The following CFAP95 variants were observed in gnomAD, a reference collection of about 807,000 sequenced individuals.
CFAP95 encodes the protein cilia and flagella associated protein 95.
chr9:69,849,358 G>T, the CFAP95 span, among the ~76,000 whole-genome samples: 1 of 152,018 alleles, frequency 6.6e-6, no homozygotes, highest in Non-Finnish European at 1.5e-5. Flanking sequence ...AAGAAGGAAG[G>T]GAGGGAGGAA....
chr9:69,895,423 A>G, the CFAP95 span, among the ~76,000 whole-genome samples: 1 of 142,160 alleles, frequency 7.0e-6, no homozygotes, highest in Non-Finnish European at 1.5e-5. Context: ...TTCTCTGGAG[A>G]TCTTTGACTG....
chr9:69,844,149 G>C, the CFAP95 span, among the ~76,000 whole-genome samples: 1 of 152,136 alleles, frequency 6.6e-6, no homozygotes, highest in Non-Finnish European at 1.5e-5. Context: ...ATGGTAGAAA[G>C]AATTTCTAAA....
At chr9:69,891,045 C>T in the CFAP95 span, among the ~76,000 whole-genome samples, 1 of 152,128 alleles carries the variant, frequency 6.6e-6, no homozygotes, top group Admixed American at 6.6e-5. Context: ...TCCATCATTT[C>T]CCAAAGAACC....
chr9:69,856,644 G>A, the CFAP95 span: 86 of 1,611,456 alleles, frequency 5.3e-5, no homozygotes, highest in Non-Finnish European at 5.8e-5. Flanking sequence ...TATTGAATGA[G>A]GAAACAGTGA....
At chr9:69,845,894 G>A in the CFAP95 span, among the ~76,000 whole-genome samples, 1 of 152,016 alleles carries the variant, frequency 6.6e-6, no homozygotes, top group East Asian at 1.9e-4. Flanking sequence ...TCTTCCCTTT[G>A]CACCAGGCTG....
the CFAP95 span, among the ~76,000 whole-genome samples, chr9:69,889,655 T>C: frequency 1.3e-5 from 2 of 152,118 alleles, no homozygotes; most frequent in Non-Finnish European, 2.9e-5. Flanking sequence ...TCTGCTTGGC[T>C]GGTCCTGTGA....
chr9:69,821,310 G>A, the CFAP95 span, among the ~76,000 whole-genome samples: 1 of 152,156 alleles, frequency 6.6e-6, no homozygotes, highest in African/African-American at 2.4e-5. Context: ...AATAGAGAGA[G>A]TGGGAGAGAG....
At chr9:69,890,046 G>GTGA in the CFAP95 span, among the ~76,000 whole-genome samples, 1 of 152,074 alleles carries the variant, frequency 6.6e-6, no homozygotes, top group African/African-American at 2.4e-5. Context: ...TGTAACAAGT[G>GTGA]TGATGGTTTA....
the CFAP95 span, among the ~76,000 whole-genome samples, chr9:69,883,014 T>G: frequency 6.6e-6 from 1 of 152,144 alleles, no homozygotes; most frequent in African/African-American, 2.4e-5. Context: ...AATAGTTGAG[T>G]AGGATTGGTA....
chr9:69,890,849 G>A, the CFAP95 span, among the ~76,000 whole-genome samples: 1 of 152,196 alleles, frequency 6.6e-6, no homozygotes, highest in Non-Finnish European at 1.5e-5. Context: ...AGGGAATGCA[G>A]TTTATCATTC....
At chr9:69,903,740 T>G in the CFAP95 span, among the ~76,000 whole-genome samples, 1 of 152,216 alleles carries the variant, frequency 6.6e-6, no homozygotes, top group African/African-American at 2.4e-5. Flanking sequence ...CAATGCATTT[T>G]TTTTGAGACA....
chr9:69,837,387 C>T, the CFAP95 span, among the ~76,000 whole-genome samples: 537 of 151,894 alleles, frequency 3.5e-3, 3 homozygotes, highest in Non-Finnish European at 4.8e-3. Context: ...TCCTCTCCAG[C>T]ACCTGTTGTT....
chr9:69,896,535 G>A, the CFAP95 span, among the ~76,000 whole-genome samples: 1 of 152,140 alleles, frequency 6.6e-6, no homozygotes, highest in East Asian at 1.9e-4. Context: ...CTGTAGCTAA[G>A]AGTCTCATGC....
chr9:69,901,246 T>A, the CFAP95 span, among the ~76,000 whole-genome samples: 2 of 151,840 alleles, frequency 1.3e-5, no homozygotes, highest in East Asian at 3.9e-4. Context: ...CACGCCATTC[T>A]CCTGCCTCAG....
At chr9:69,878,138 G>A in the CFAP95 span, among the ~76,000 whole-genome samples, 2 of 152,140 alleles carry the variant, frequency 1.3e-5, no homozygotes, top group African/African-American at 4.8e-5. Context: ...ACATAGGAGG[G>A]AGTGATGTTT....
At chr9:69,886,371 A>G in the CFAP95 span, among the ~76,000 whole-genome samples, 1 of 152,232 alleles carries the variant, frequency 6.6e-6, no homozygotes, top group African/African-American at 2.4e-5. Flanking sequence ...GCTAAGACCT[A>G]TGGTAAGAAC....
the CFAP95 span, among the ~76,000 whole-genome samples, chr9:69,828,588 C>T: frequency 9.2e-5 from 14 of 152,064 alleles, no homozygotes; most frequent in African/African-American, 1.7e-4. Context: ...GAGGCTGAGG[C>T]GAGAGGATCG....
At chr9:69,899,183 G>A in the CFAP95 span, among the ~76,000 whole-genome samples, 12 of 152,278 alleles carry the variant, frequency 7.9e-5, no homozygotes, top group South Asian at 4.1e-4. Context: ...GTGTAGCACC[G>A]AATAGTGACC....
At chr9:69,851,078 T>C in the CFAP95 span, among the ~76,000 whole-genome samples, 1 of 152,232 alleles carries the variant, frequency 6.6e-6, no homozygotes, top group Non-Finnish European at 1.5e-5. Context: ...ACATCAGTAA[T>C]CATGCCCTAA....
Sources: allele counts gnomAD v4.1 joint callset (sites outside exome capture counted in the v4.1 genomes callset), GRCh38; gene constraint gnomAD v4.1.1; transcripts MANE v1.5; gene names NCBI Gene and HGNC (gene_info 2026-07-23, HGNC 2026-07-21).